The following VWA3B variants were observed in gnomAD, a reference collection of about 807,000 sequenced individuals.
The protein encoded by VWA3B is von Willebrand factor A domain containing 3B.
In VWA3B, 138 loss-of-function variants were observed where a neutral mutation model predicts 158.3. The observed-to-expected ratio is 0.87, with a 90% CI of 0.76 to 1.00. The LOEUF is 1.00. Ranked by LOEUF, VWA3B falls within the 50% of genes least tolerant of loss-of-function variation. The pLI, the probability that VWA3B is intolerant of heterozygous loss-of-function variation, is 0.00. For missense variants in VWA3B, 1,555 were observed against 1,565.1 expected (o/e 0.99, Z 0.11); for synonymous variants, 596 against 587.3 (o/e 1.01, Z -0.21).
intron 8 of VWA3B, among the ~76,000 whole-genome samples, chr2:98,166,524 G>A (rs1573961222): frequency 1.3e-5 from 2 of 152,096 alleles, no homozygotes; most frequent in Non-Finnish European, 2.9e-5. Flanking sequence ...TCTCCTAGCC[G>A]GGAAGAACAG....
chr2:98,260,054 GTTGCTCTAGCTTTATTCCA>G (rs1234462450), intron 21 of VWA3B, among the ~76,000 whole-genome samples: 1 of 151,370 alleles, frequency 6.6e-6, no homozygotes, highest in African/African-American at 2.4e-5. Flanking sequence ...TCCCTTCATT[GTTGCTCTAGCTTTATTCCA>G]TTGTGGGTGG....
intron 9 of VWA3B, among the ~76,000 whole-genome samples, chr2:98,182,913 A>AAAAT (rs1553406418): frequency 1.3e-5 from 2 of 152,218 alleles, no homozygotes; most frequent in African/African-American, 4.8e-5. Context: ...GTCTCAAAAT[A>AAAAT]AAATAAAATA....
In VWA3B at chr2:98,121,421, G is replaced by A. The variant is rs144102300; in HGVS notation, c.665G>A (p.Arg222His). Reference protein sequence around the residue: ...TVELTVSEAGRLDALLEAGRD... With the variant: ...TVELTVSEAGHLDALLEAGRD... Reference sequence around the variant, plus strand: ...GAGCTGACTGTGAGCGAGGCTGGCCGCCTGGATGCTCTGCTGGAAGCCGGG... The same window carrying A: ...GAGCTGACTGTGAGCGAGGCTGGCCACCTGGATGCTCTGCTGGAAGCCGGG... The change falls in exon 5 of 28, where the codon CGC (arginine) becomes CAC (histidine). Residue 222 changes from arginine (R) to histidine (H), a missense_variant. Physicochemically the swap from Arg to His is conservative, Grantham distance 29. Transcript: ENST00000477737. 3.1e-3 allele frequency: 4,951 copies of A among 1,614,146 alleles called. 16 individuals are homozygous for A. The highest frequency in any genetic ancestry group is 7.0e-3 in the Middle Eastern group (42 of 6,042).
intron 13 of VWA3B, among the ~76,000 whole-genome samples, chr2:98,213,249 CGTT>C (rs1448355756): frequency 6.6e-6 from 1 of 151,858 alleles, no homozygotes; most frequent in Non-Finnish European, 1.5e-5. Flanking sequence ...AGGTGAAAAA[CGTT>C]GGGTTGAGGA....
rs775748073 is a variant in VWA3B at position 98,188,027 on chromosome 2, C to T, written c.1364C>T (p.Ala455Val). The change falls in exon 10 of 28, where the codon GCT becomes GTT. Residue 455 changes from alanine to valine, a missense_variant. Ala to Val is a moderately conservative substitution (Grantham distance 64, BLOSUM62 0). Transcript: ENST00000477737. ...HAKYCSRFVH[A>V]PWKDGSLVHV... ...AAATATTGCAGCAGGTTTGTCCATGCTCCCTGGAAGGATGGGAGCTTGGTC... is the reference window on the plus strand; with the variant it reads ...AAATATTGCAGCAGGTTTGTCCATGTTCCCTGGAAGGATGGGAGCTTGGTC... 1.1e-5 allele frequency: 18 copies of T among 1,613,832 alleles called. No homozygotes were observed. The highest frequency in any genetic ancestry group is 1.4e-5 in the Non-Finnish European group (17 of 1,179,972).
intron 2 of VWA3B, among the ~76,000 whole-genome samples, chr2:98,113,180 C>T (rs1391527978): frequency 2.6e-5 from 4 of 151,950 alleles, no homozygotes; most frequent in African/African-American, 7.3e-5. Context: ...CTATTGGTCA[C>T]ATTTTTCTCT....
chr2:98,155,753 G>T (rs1380989405), intron 7 of VWA3B, among the ~76,000 whole-genome samples: 3 of 152,138 alleles, frequency 2.0e-5, no homozygotes, highest in Non-Finnish European at 2.9e-5. Context: ...CCTGGAATGG[G>T]TGTTGGAAGA....
chr2:98,290,659 T>C, intron 23 of VWA3B, 37 bp downstream of exon 23: 1 of 1,415,410 alleles, frequency 7.1e-7, no homozygotes. Flanking sequence ...AGGCTTTTGT[T>C]AAATAATTTG....
At chr2:98,284,871 C>T (rs938533525) in intron 22 of VWA3B, among the ~76,000 whole-genome samples, 5 of 152,070 alleles carry the variant, frequency 3.3e-5, no homozygotes, top group African/African-American at 9.7e-5. Flanking sequence ...TCCCCAGTTT[C>T]GGCAGTGTAG....
intron 1 of VWA3B, among the ~76,000 whole-genome samples, chr2:98,091,710 G>A (rs1191965180): frequency 6.6e-6 from 1 of 152,178 alleles, no homozygotes; most frequent in Non-Finnish European, 1.5e-5. Flanking sequence ...TGATTTTTGT[G>A]TTTGACTGAA....
At position 98,147,403 on chromosome 2, in the gene VWA3B, G is replaced by A. The variant is rs193293806; in HGVS notation, c.988+13464G>A. On this transcript the variant is annotated intron_variant, in intron 7 of 27. Coordinates refer to ENST00000477737, the MANE Select transcript of VWA3B (RefSeq NM_144992.5). ...TTCTTGCCATCCAGATATTTACACC[G>A]TTGGATATTTTGGTATATTTCCTAC... Among the ~76,000 whole-genome samples the A allele has an allele frequency of 8.5e-5, 13 of 152,206 alleles. No individual in the cohort carries two copies. In the East Asian group the frequency reaches 1.4e-3, roughly 16 times the overall value.
chr2:98,247,720 T>C (rs1686491460), intron 19 of VWA3B, among the ~76,000 whole-genome samples: 1 of 152,144 alleles, frequency 6.6e-6, no homozygotes, highest in African/African-American at 2.4e-5. Context: ...TTCAGTATGC[T>C]GCAGTCTTAT....
intron 2 of VWA3B, among the ~76,000 whole-genome samples, chr2:98,105,208 ATTATCT>A (rs2104874022): frequency 1.3e-5 from 2 of 152,308 alleles, no homozygotes; most frequent in South Asian, 4.1e-4. Flanking sequence ...TTTATCTGAA[ATTATCT>A]TTATTTCACC....
At chr2:98,209,119 T>TA (rs1683275633) in intron 12 of VWA3B, among the ~76,000 whole-genome samples, 1 of 152,212 alleles carries the variant, frequency 6.6e-6, no homozygotes, top group South Asian at 2.1e-4. Context: ...GGTAACGTGT[T>TA]ATTTCTCTTC....
chr2:98,133,117 C>T (rs1446501769), intron 6 of VWA3B, among the ~76,000 whole-genome samples: 2 of 152,210 alleles, frequency 1.3e-5, no homozygotes, highest in Non-Finnish European at 2.9e-5. Flanking sequence ...GCCCATCACC[C>T]TGTGCACTAC....
chr2:98,274,407 C>A lies in VWA3B; in HGVS notation c.3045+3524C>A, dbSNP rs1688396222. ...ATACAACAGAGGCACCCCCAGAGAA[C>A]AATGGAAGATGGGGAAAAGTGACCT... On this transcript the variant is annotated intron_variant, in intron 22 of 27. Transcript: ENST00000477737. 2.6e-5 allele frequency among the ~76,000 whole-genome samples: 4 copies of A among 152,236 alleles called. No individual in the cohort carries two copies. In the South Asian group the frequency reaches 8.3e-4, roughly 32 times the overall value.
chr2:98,253,938 C>T (rs1461769429), intron 20 of VWA3B, among the ~76,000 whole-genome samples: 1 of 152,090 alleles, frequency 6.6e-6, no homozygotes, highest in East Asian at 1.9e-4. Context: ...CGGTGGCCTC[C>T]CTGGACAGTA....
Position 98,308,974 on chromosome 2 carries a change from C to CT in VWA3B, c.3522-2845_3522-2844insT, listed in dbSNP as rs1199020718. On this transcript the variant is annotated intron_variant, in intron 26 of 27. Coordinates refer to ENST00000477737, the MANE Select transcript of VWA3B (RefSeq NM_144992.5). ...ATCATTTGAGGTCAGGAGTTCGAGA[C>CT]CAGCCTGGCCATTATGGTGAAACCT... Among the ~76,000 whole-genome samples the CT allele has an allele frequency of 2.6e-5, 4 of 152,012 alleles. No homozygotes were observed. The East Asian group carries it at 7.7e-4, about 29-fold the overall frequency.
At chr2:98,192,546 C>T (rs1681683021) in intron 10 of VWA3B, among the ~76,000 whole-genome samples, 1 of 152,138 alleles carries the variant, frequency 6.6e-6, no homozygotes, top group Non-Finnish European at 1.5e-5. Context: ...GGTGGAATGT[C>T]ATCAGTTAAG....
Sources: allele counts gnomAD v4.1 joint callset (sites outside exome capture counted in the v4.1 genomes callset), GRCh38; gene constraint gnomAD v4.1.1; transcripts MANE v1.5; gene names NCBI Gene and HGNC (gene_info 2026-07-23, HGNC 2026-07-21).